GSE1: variants seen among roughly 807,000 people sequenced by gnomAD.
GSE1 encodes Gse1 coiled-coil protein.
GSE1 carries 32 observed loss-of-function variants against 112.6 expected under a neutral mutation model. The ratio of observed to expected loss-of-function variants is 0.28; its 90% CI spans 0.21 to 0.38. GSE1 has a LOEUF of 0.38. GSE1 is among the 10% of genes least tolerant of loss of function. The probability of loss-of-function intolerance (pLI) is 1.00; values close to 1 mark genes in which losing one functional copy is unlikely to be tolerated. For synonymous variants in GSE1, 1,115 were observed against 735.6 expected (o/e 1.52, Z -8.35); for missense variants, 2,348 against 1,699.2 (o/e 1.38, Z -6.71).
At chr16:85,191,988 C>CT (rs1420701620) in intron 1 of GSE1, among the ~76,000 whole-genome samples, 1 of 152,208 alleles carries the variant, frequency 6.6e-6, no homozygotes, top group African/African-American at 2.4e-5. Context: ...AGTTTTGAAT[C>CT]TTTCCGAAGT....
At chr16:85,320,171 C>T (rs1367417421) in intron 1 of GSE1, among the ~76,000 whole-genome samples, 4 of 152,222 alleles carry the variant, frequency 2.6e-5, no homozygotes, top group Non-Finnish European at 5.9e-5. Flanking sequence ...CAAGGGCCTC[C>T]AGAGGGGACT....
intron 1 of GSE1, among the ~76,000 whole-genome samples, chr16:85,264,446 G>C (rs1908028580): frequency 6.6e-6 from 1 of 152,034 alleles, no homozygotes; most frequent in South Asian, 2.1e-4. Context: ...AGGTTTCCGG[G>C]CCCAGTCTTG....
At chr16:85,322,124 A>G (rs1027346192) in intron 1 of GSE1, among the ~76,000 whole-genome samples, 3 of 152,230 alleles carry the variant, frequency 2.0e-5, no homozygotes, top group African/African-American at 4.8e-5. Flanking sequence ...GACTGGGTGG[A>G]CCTTCCAAGG....
At chr16:85,234,287 CCA>C (rs1423294902) in intron 1 of GSE1, among the ~76,000 whole-genome samples, 9 of 152,128 alleles carry the variant, frequency 5.9e-5, no homozygotes, top group Non-Finnish European at 1.3e-4. Flanking sequence ...CATTTTGAAA[CCA>C]GAGTCTCCTC....
chr16:85,211,775 A>G (rs2075230417), intron 1 of GSE1, among the ~76,000 whole-genome samples: 2 of 152,030 alleles, frequency 1.3e-5, no homozygotes, highest in Admixed American at 1.3e-4. Context: ...GCCCAGTGCC[A>G]CTCCGCTGCT....
At chr16:85,499,342 A>G (rs9934305) in intron 2 of GSE1, among the ~76,000 whole-genome samples, 92,069 of 133,712 alleles carry the variant, frequency 0.69, 32,379 homozygotes, top group African/African-American at 0.89. Flanking sequence ...ACAGAGTCTC[A>G]CTCAGTCGCC....
chr16:85,588,496 A>G (rs2046814453), intron 1 of GSE1, among the ~76,000 whole-genome samples: 1 of 152,168 alleles, frequency 6.6e-6, no homozygotes, highest in Non-Finnish European at 1.5e-5. Flanking sequence ...TGTAATTCGG[A>G]TGACATACAA....
intron 2 of GSE1, among the ~76,000 whole-genome samples, chr16:85,400,921 G>A (rs2048098576): frequency 1.3e-5 from 2 of 152,132 alleles, no homozygotes; most frequent in Non-Finnish European, 2.9e-5. Context: ...GTGTGCGGAA[G>A]GGGTCATAAT....
intron 1 of GSE1, among the ~76,000 whole-genome samples, chr16:85,592,068 C>A (rs2047025163): frequency 6.6e-6 from 1 of 152,202 alleles, no homozygotes; most frequent in Admixed American, 6.5e-5. Context: ...CCGCTCCCGT[C>A]AGTACAGAGC....
At chr16:85,428,757 C>A (rs372037974) in intron 2 of GSE1, among the ~76,000 whole-genome samples, 4 of 152,260 alleles carry the variant, frequency 2.6e-5, no homozygotes, top group East Asian at 1.9e-4. Context: ...TCCCACCCCC[C>A]ATTCTAGTTA....
intron 2 of GSE1, among the ~76,000 whole-genome samples, chr16:85,543,153 A>C (rs1342432798): frequency 6.6e-6 from 1 of 150,792 alleles, no homozygotes; most frequent in Non-Finnish European, 1.5e-5. Context: ...CAGAGCTTAC[A>C]GTGAGCCGAG....
At chr16:85,358,254 C>T (rs1469605715) in intron 2 of GSE1, among the ~76,000 whole-genome samples, 1 of 152,180 alleles carries the variant, frequency 6.6e-6, no homozygotes. Flanking sequence ...CGTGTGTGGA[C>T]CCTTGAGGCT....
At chr16:85,508,245 G>A (rs1314262007) in intron 2 of GSE1, among the ~76,000 whole-genome samples, 4 of 152,176 alleles carry the variant, frequency 2.6e-5, no homozygotes, top group Non-Finnish European at 5.9e-5. Flanking sequence ...TGTTGGCCAG[G>A]CTGGTCTGCA....
chr16:85,503,033 G>C (rs1346367339), intron 2 of GSE1, among the ~76,000 whole-genome samples: 1 of 152,216 alleles, frequency 6.6e-6, no homozygotes, highest in South Asian at 2.1e-4. Context: ...ACCACACTGA[G>C]CTTGTATTTG....
At chr16:85,278,077 A>C (rs1041738140) in intron 1 of GSE1, among the ~76,000 whole-genome samples, 1 of 152,242 alleles carries the variant, frequency 6.6e-6, no homozygotes, top group African/African-American at 2.4e-5. Context: ...CTGTCCCGCG[A>C]GGAAGGTCAC....
intron 1 of GSE1, among the ~76,000 whole-genome samples, chr16:85,587,062 T>C (rs576710311): frequency 6.6e-6 from 1 of 152,082 alleles, no homozygotes; most frequent in Non-Finnish European, 1.5e-5. Context: ...TGGGGGCACC[T>C]CCATCTCTTG....
rs1450689763 is a variant in GSE1, at chr16:85,419,382, A to G, written c.2464+61739A>G. ...AATCCCAGCACTTTGGGAGGCTGAGATGGGAGGACTGCTTGAGCCCAGGAG... is the reference window on the plus strand; with the variant it reads ...AATCCCAGCACTTTGGGAGGCTGAGGTGGGAGGACTGCTTGAGCCCAGGAG... On this transcript the variant is annotated intron_variant, in intron 2 of 2. Transcript: ENST00000637419. The surrounding 1 kb of genome is among the most constrained non-coding windows in gnomAD (Gnocchi z 6.5). Among the ~76,000 whole-genome samples, 7 of 151,804 alleles carry G rather than the reference A, an allele frequency of 4.6e-5. No individual in the cohort carries two copies. Among genetic ancestry groups the G allele is most frequent in the Admixed American group, 3.9e-4 (6 of 15,238 alleles).
intron 1 of GSE1, among the ~76,000 whole-genome samples, chr16:85,633,573 T>A (rs1448151184): frequency 1.4e-4 from 21 of 152,134 alleles, no homozygotes; most frequent in Admixed American, 1.4e-3. Flanking sequence ...CCCCACGCCA[T>A]TTGATGGTCA....
intron 1 of GSE1, among the ~76,000 whole-genome samples, chr16:85,179,405 C>T (rs1210161725): frequency 1.3e-5 from 2 of 152,164 alleles, no homozygotes; most frequent in Admixed American, 6.5e-5. Context: ...AACATCAGAC[C>T]GTGGACATCG....
Sources: allele counts gnomAD v4.1 joint callset (sites outside exome capture counted in the v4.1 genomes callset), GRCh38; gene constraint gnomAD v4.1.1; non-coding constraint Gnocchi (gnomAD v3.1); transcripts MANE v1.5; gene names NCBI Gene and HGNC (gene_info 2026-07-23, HGNC 2026-07-21).